The following CHD6 variants were observed in gnomAD, a reference collection of about 807,000 sequenced individuals.
CHD6 encodes chromodomain helicase DNA binding protein 6.
In CHD6, 50 loss-of-function variants were observed where a neutral mutation model predicts 276.9. The observed-to-expected ratio is 0.18, with a 90% CI of 0.14 to 0.23. CHD6 has a LOEUF of 0.23. Among genes scored for constraint, CHD6 ranks in the 10% least tolerant of loss-of-function variants. The probability of loss-of-function intolerance (pLI) is 1.00; values close to 1 mark genes in which losing one functional copy is unlikely to be tolerated. For synonymous variants in CHD6, 1,173 were observed against 1,229.3 expected (o/e 0.95, Z 0.96); for missense variants, 2,564 against 3,365.8 (o/e 0.76, Z 5.89).
At chr20:41,572,864 C>CTTAA (rs1406285207) in intron 1 of CHD6, among the ~76,000 whole-genome samples, 1 of 152,088 alleles carries the variant, frequency 6.6e-6, no homozygotes, top group African/African-American at 2.4e-5. Flanking sequence ...ACTTTAATAA[C>CTTAA]TAGGAGAGCT....
chr20:41,484,475 G>A lies in CHD6; in HGVS notation c.2134C>T (p.Arg712Cys). The change falls in exon 15 of 37, where the codon CGT (arginine) becomes TGT (cysteine). Residue 712 changes from arginine to cysteine, a missense_variant. Transcript: ENST00000373233. ...GAAAAGTTCTTCTCGAGGATGGCAC[G>A]GTAGTACTTTTTCTGGATATTGGTC... ...ELTNIQKKYYRAILEKNFSFL... is the reference protein window; with the variant it reads ...ELTNIQKKYYCAILEKNFSFL... 6.2e-7 allele frequency: 1 copy of A among 1,613,836 alleles called. No individual in the cohort carries two copies. Among genetic ancestry groups the A allele is most frequent in the Non-Finnish European group, 8.5e-7 (1 of 1,179,842 alleles).
intron 1 of CHD6, among the ~76,000 whole-genome samples, chr20:41,601,587 C>G (rs2045774087): frequency 6.6e-6 from 1 of 152,162 alleles, no homozygotes; most frequent in African/African-American, 2.4e-5. Context: ...TATGGTATAG[C>G]AGATATGGTC....
intron 31 of CHD6, among the ~76,000 whole-genome samples, chr20:41,419,177 G>T (rs1242874597): frequency 2.6e-5 from 4 of 152,114 alleles, no homozygotes. Flanking sequence ...TTTCAATTTG[G>T]CTTCTCGGTT....
chr20:41,451,983 C>T lies in CHD6; in HGVS notation c.3366G>A (p.Lys1122=), dbSNP rs370610644. The T allele has an allele frequency of 8.4e-5, 135 of 1,614,024 alleles. No individual in the cohort carries two copies. Among genetic ancestry groups the T allele is most frequent in the Non-Finnish European group, 1.1e-4 (129 of 1,180,030 alleles). The change falls in exon 22 of 37, where the codon AAG becomes AAA. Residue 1122 remains lysine (K), a synonymous_variant. Coordinates refer to ENST00000373233, the MANE Select transcript of CHD6 (RefSeq NM_032221.5). The stretch of plus-strand genomic sequence containing the variant: ...CCATGTCCTTCTCGTTCAGATGCCA[C>T]TTGAATCGGCCATGAGTCAGGATGT... ...WKDILTHGRF[K]WHLNEKDMEM...
Position 41,405,114 on chromosome 20 carries a change from C to T in CHD6, c.7627G>A (p.Ala2543Thr). 3 of 1,614,232 alleles carry T rather than the reference C, an allele frequency of 1.9e-6. No individual in the cohort carries two copies. Among genetic ancestry groups the T allele is most frequent in the East Asian group, 2.2e-5 (1 of 44,890 alleles). ...GVGGLLSPPM[A>T]TTCTSTAPAS... ...GGAGCAGTGGAAGTGCAGGTGGTTG[C>T]CATGGGTGGACTGAGGAGTCCCCCA... The change falls in exon 37 of 37, where the codon GCA becomes ACA. Residue 2543 changes from alanine to threonine, a missense_variant. Physicochemically the swap from Ala to Thr is moderately conservative, Grantham distance 58. This residue lies in a region of CHD6 where 238 missense variants were observed against 266.0 expected (regional missense o/e 0.89). Transcript: ENST00000373233.
chr20:41,583,331 C>A (rs1426457156), intron 1 of CHD6, among the ~76,000 whole-genome samples: 17 of 151,818 alleles, frequency 1.1e-4, no homozygotes, highest in Admixed American at 1.1e-3. Context: ...ATAAAAAATT[C>A]ACCAGACTAC....
intron 1 of CHD6, among the ~76,000 whole-genome samples, chr20:41,564,326 G>T (rs1179374510): frequency 6.6e-6 from 1 of 152,090 alleles, no homozygotes; most frequent in Non-Finnish European, 1.5e-5. Flanking sequence ...CCTCTTGGGG[G>T]TATTTTAAAA....
intron 1 of CHD6, among the ~76,000 whole-genome samples, chr20:41,570,500 C>T (rs949527258): frequency 1.3e-5 from 2 of 152,334 alleles, no homozygotes; most frequent in East Asian, 3.9e-4. Flanking sequence ...GGCCCACTGG[C>T]TAATTTCACC....
At position 41,483,323 on chromosome 20, in the gene CHD6, G is replaced by A; in HGVS notation, c.2454C>T (p.Tyr818=). The A allele has an allele frequency of 1.2e-6, 2 of 1,612,674 alleles. No homozygotes were observed. Among genetic ancestry groups the A allele is most frequent in the Non-Finnish European group, 1.7e-6 (2 of 1,179,356 alleles). Residue 818 remains tyrosine (Y), a synonymous_variant, in exon 16 of 37, where the codon TAC becomes TAT. Coordinates refer to ENST00000373233, the MANE Select transcript of CHD6 (RefSeq NM_032221.5). ...MVRCLDILED[Y]LIQRRYTYER... ...ACAAGTCTCACCTTCTCTGGATGAG[G>A]TAATCTTCTAGGATGTCGAGGCAGC...
At chr20:41,490,770 A>G (rs769040384) in intron 11 of CHD6, among the ~76,000 whole-genome samples, 6 of 152,032 alleles carry the variant, frequency 3.9e-5, no homozygotes, top group Non-Finnish European at 8.8e-5. Flanking sequence ...CTGAGATCAC[A>G]CCATTGCACT....
At chr20:41,499,513 C>A (rs1050458271) in intron 5 of CHD6, among the ~76,000 whole-genome samples, 156 bp from the exon 6 acceptor site, 2 of 152,224 alleles carry the variant, frequency 1.3e-5, no homozygotes, top group Non-Finnish European at 2.9e-5. Context: ...CAAAAGGTCA[C>A]AAGCATTTTG....
At chr20:41,491,633 T>C in intron 11 of CHD6, 65 bp downstream of exon 11, 1 of 1,600,632 alleles carries the variant, frequency 6.2e-7, no homozygotes, top group Non-Finnish European at 8.6e-7. Context: ...CGACTCTAGG[T>C]GTTCCAGGCT....
chr20:41,413,649 A>C, intron 34 of CHD6, 134 bp from the exon 35 acceptor site: 1 of 737,116 alleles, frequency 1.4e-6, no homozygotes, highest in Non-Finnish European at 2.1e-6. Flanking sequence ...GGGGTGCCTG[A>C]ATTAGAACCC....
intron 17 of CHD6, among the ~76,000 whole-genome samples, chr20:41,460,793 T>A (rs2048522959): frequency 6.6e-6 from 1 of 151,808 alleles, no homozygotes; most frequent in Admixed American, 6.6e-5. Context: ...CCACACAGAG[T>A]CCCTACTTGG....
At chr20:41,449,306 T>C (rs1056559330) in intron 23 of CHD6, among the ~76,000 whole-genome samples, 3 of 152,198 alleles carry the variant, frequency 2.0e-5, no homozygotes, top group Non-Finnish European at 2.9e-5. Context: ...CTGTCAGCTT[T>C]AGTAAAAAGT....
intron 6 of CHD6, among the ~76,000 whole-genome samples, chr20:41,498,803 ATGTATGTATGTGTGTGTG>A (rs1418718440): frequency 0.041 from 3,895 of 95,892 alleles, 62 homozygotes; most frequent in Middle Eastern, 0.088. Context: ...GTATGTATGT[ATGTATGTATGTGTGTGTG>A]TGTGTGTGTG....
rs1600978506 is a variant in CHD6, at chr20:41,484,445, G to A, written c.2164C>T (p.Leu722=). 1 of 1,613,858 alleles carries A rather than the reference G, an allele frequency of 6.2e-7. No individual in the cohort carries two copies. Among genetic ancestry groups the A allele is most frequent in the Non-Finnish European group, 8.5e-7 (1 of 1,179,840 alleles). ...TTGTGCTGATTTGCCCCCTTGGTCAGGAAGGAAAAGTTCTTCTCGAGGATG... is the reference window on the plus strand; with the variant it reads ...TTGTGCTGATTTGCCCCCTTGGTCAAGAAGGAAAAGTTCTTCTCGAGGATG... ...RAILEKNFSF[L]TKGANQHNMP... is the part of the protein sequence containing the mutation. The change falls in exon 15 of 37, where the codon CTG becomes TTG. Residue 722 remains leucine, a synonymous_variant. Coordinates refer to ENST00000373233, the MANE Select transcript of CHD6 (RefSeq NM_032221.5).
intron 3 of CHD6, among the ~76,000 whole-genome samples, chr20:41,518,514 TC>T (rs1379409211): frequency 1.3e-5 from 2 of 152,202 alleles, no homozygotes; most frequent in African/African-American, 2.4e-5. Context: ...TACTAGATTT[TC>T]CCAGACAGAA....
chr20:41,617,335 CCA>C (rs1373638649), intron 1 of CHD6, among the ~76,000 whole-genome samples: 4 of 152,158 alleles, frequency 2.6e-5, no homozygotes, highest in African/African-American at 9.7e-5. Flanking sequence ...ACGACTGAAA[CCA>C]CAGTCACATT....
Sources: gnomAD v4.1 joint callset for allele counts (sites outside exome capture counted in the v4.1 genomes callset) on GRCh38, gnomAD v4.1.1 for gene constraint, gnomAD v4.1.1 regional missense constraint, MANE v1.5 for transcripts, NCBI Gene and HGNC (gene_info 2026-07-23, HGNC 2026-07-21) for gene names.